AUTS2: variants seen among roughly 807,000 people sequenced by gnomAD.
The protein encoded by AUTS2 is autism susceptibility gene 2 protein.
AUTS2 carries 17 observed loss-of-function variants against 112.4 expected under a neutral mutation model. The ratio of observed to expected loss-of-function variants is 0.15; its 90% confidence interval spans 0.10 to 0.23. The LOEUF is 0.23. AUTS2 is among the 10% of genes least tolerant of loss of function. The pLI is 1.00. For missense variants in AUTS2, 1,510 were observed against 1,701.6 expected (o/e 0.89, Z 1.98); for synonymous variants, 751 against 702.7 (o/e 1.07, Z -1.09).
intron 7 of AUTS2, among the ~76,000 whole-genome samples, chr7:70,764,218 G>A (rs975110968): frequency 6.6e-6 from 1 of 152,136 alleles, no homozygotes; most frequent in Non-Finnish European, 1.5e-5. Context: ...CAAGGAGCCG[G>A]GCCCGGCTTC....
rs1439547715 is a variant in AUTS2 at position 70,647,477 on chromosome 7, G to GA, written c.691-51086dup. ...TTGCTTTGAAACACAATATAATCCAGAAAAAACAGCTATCTTAACTTGGCC... is the reference window on the plus strand; with the variant it reads ...TTGCTTTGAAACACAATATAATCCAGAAAAAAACAGCTATCTTAACTTGGCC... On this transcript the variant is annotated intron_variant, in intron 5 of 18. Coordinates refer to ENST00000342771, the MANE Select transcript of AUTS2 (RefSeq NM_015570.4). 2.0e-5 allele frequency among the ~76,000 whole-genome samples: 3 copies of GA among 152,144 alleles called. 1 individual carries two copies. Among genetic ancestry groups the GA allele is most frequent in the Middle Eastern group, 6.3e-3 (2 of 316 alleles).
chr7:69,743,120 A>G (rs1787338681), intron 1 of AUTS2, among the ~76,000 whole-genome samples: 1 of 152,116 alleles, frequency 6.6e-6, no homozygotes, highest in Non-Finnish European at 1.5e-5. Context: ...ACTTACCTGA[A>G]AATTGTTTGC....
chr7:69,713,185 C>T (rs1425822011), intron 1 of AUTS2, among the ~76,000 whole-genome samples: 1 of 152,062 alleles, frequency 6.6e-6, no homozygotes, highest in African/African-American at 2.4e-5. Flanking sequence ...AAAATTAAAT[C>T]AGGGTATTTA....
Position 69,690,955 on chromosome 7 carries a change from C to T in AUTS2, c.309+90993C>T, listed in dbSNP as rs78489534. On this transcript the variant is annotated intron_variant, in intron 1 of 18. Transcript: ENST00000342771. Reference sequence around the variant, plus strand: ...ATCAGAAGTGGGTAGCTCCCTTCCACAGCAGGTCATCCTGACGAGTTTCCA... The same window carrying T: ...ATCAGAAGTGGGTAGCTCCCTTCCATAGCAGGTCATCCTGACGAGTTTCCA... Among the ~76,000 whole-genome samples the T allele has an allele frequency of 4.3e-3, 648 of 152,306 alleles. 4 individuals are homozygous for T. The highest frequency in any genetic ancestry group is 7.2e-3 in the Non-Finnish European group (488 of 68,030).
At chr7:69,776,356 A>G (rs1788897106) in intron 1 of AUTS2, among the ~76,000 whole-genome samples, 1 of 152,194 alleles carries the variant, frequency 6.6e-6, no homozygotes, top group African/African-American at 2.4e-5. Context: ...GGGAAGGCAT[A>G]GAGGAAAATA....
At chr7:69,609,432 GT>G (rs1443244214) in intron 1 of AUTS2, among the ~76,000 whole-genome samples, 1 of 152,086 alleles carries the variant, frequency 6.6e-6, no homozygotes, top group African/African-American at 2.4e-5. Context: ...TACATTCATC[GT>G]TTTTAAACAC....
At chr7:70,086,656 A>AAC (rs1803621861) in intron 2 of AUTS2, among the ~76,000 whole-genome samples, 1 of 151,810 alleles carries the variant, frequency 6.6e-6, no homozygotes, top group African/African-American at 2.4e-5. Context: ...AAAAAAAAAA[A>AAC]AAAAGTTTTG....
chr7:69,860,578 G>T (rs979095515), intron 1 of AUTS2, among the ~76,000 whole-genome samples: 1 of 152,030 alleles, frequency 6.6e-6, no homozygotes, highest in African/African-American at 2.4e-5. Flanking sequence ...GAGCTGGTCC[G>T]TCTGTCACTG....
At chr7:70,696,158 C>T (rs1047280063) in intron 5 of AUTS2, among the ~76,000 whole-genome samples, 18 of 152,166 alleles carry the variant, frequency 1.2e-4, no homozygotes, top group Admixed American at 1.2e-3. Context: ...TGCCCTAAAA[C>T]CCTAAGTAGA....
At chr7:69,966,976 T>C (rs1466634956) in intron 2 of AUTS2, among the ~76,000 whole-genome samples, 1 of 152,180 alleles carries the variant, frequency 6.6e-6, no homozygotes, top group Non-Finnish European at 1.5e-5. Flanking sequence ...TAAGGGGGAA[T>C]AGTAAGAGAA....
rs372323409 is a variant in AUTS2, at chr7:70,760,154, C to T, written c.743-2716C>T. On this transcript the variant is annotated intron_variant, in intron 6 of 18. Transcript: ENST00000342771. ...CCGAGTAGCTGGGACTACAGGCACCCGCCACCACGCCCGGCTAATTTTTTG... is the reference window on the plus strand; with the variant it reads ...CCGAGTAGCTGGGACTACAGGCACCTGCCACCACGCCCGGCTAATTTTTTG... Among the ~76,000 whole-genome samples, 343 of 152,084 alleles carry T rather than the reference C, an allele frequency of 2.3e-3. 3 individuals carry two copies. Among genetic ancestry groups the T allele is most frequent in the South Asian group, 7.1e-3 (34 of 4,810 alleles).
rs751287276 is a variant in AUTS2 at position 70,764,956 on chromosome 7, A to G, written c.1419A>G (p.Thr473=). The G allele has an allele frequency of 3.1e-6, 5 of 1,611,634 alleles. No homozygotes were observed. Among genetic ancestry groups the G allele is most frequent in the Non-Finnish European group, 4.2e-6 (5 of 1,179,658 alleles). ...PTALPPPPPL[T]SGSLQVAGHP... ...CTCTGCCTCCTCCACCACCACTGACATCAGGAAGTCTGCAGGTGGCCGGAC... is the reference window on the plus strand; with the variant it reads ...CTCTGCCTCCTCCACCACCACTGACGTCAGGAAGTCTGCAGGTGGCCGGAC... Residue 473 remains threonine, a synonymous_variant, in exon 8 of 19, where the codon ACA becomes ACG. Transcript: ENST00000342771.
At chr7:69,917,663 C>T (rs554260618) in intron 2 of AUTS2, among the ~76,000 whole-genome samples, 2 of 152,256 alleles carry the variant, frequency 1.3e-5, no homozygotes, top group East Asian at 3.9e-4. Flanking sequence ...TCCCCTCTCA[C>T]TCTGCCCTCT....
intron 5 of AUTS2, among the ~76,000 whole-genome samples, chr7:70,659,507 A>T (rs560512270): frequency 7.9e-5 from 12 of 152,242 alleles, no homozygotes. Flanking sequence ...GACCCCGGGC[A>T]TGTTAACTGA....
intron 4 of AUTS2, among the ~76,000 whole-genome samples, chr7:70,361,350 T>G (rs1466033766): frequency 6.6e-6 from 1 of 152,038 alleles, no homozygotes; most frequent in Non-Finnish European, 1.5e-5. Context: ...AAAAATCGAT[T>G]CTTGGAAAAT....
intron 1 of AUTS2, among the ~76,000 whole-genome samples, chr7:69,698,222 T>C (rs943120372): frequency 3.9e-5 from 6 of 152,154 alleles, no homozygotes; most frequent in African/African-American, 1.4e-4. Flanking sequence ...ATGCGAAAAA[T>C]TGAGTGACAT....
chr7:69,852,794 G>A (rs765302957), intron 1 of AUTS2, among the ~76,000 whole-genome samples: 1 of 152,032 alleles, frequency 6.6e-6, no homozygotes, highest in Non-Finnish European at 1.5e-5. Context: ...AAAGTTTACC[G>A]TTAGTACTGC....
chr7:69,913,662 G>T (rs1329734399), intron 2 of AUTS2, among the ~76,000 whole-genome samples: 1 of 152,034 alleles, frequency 6.6e-6, no homozygotes, highest in Non-Finnish European at 1.5e-5. Context: ...TTCTCCATAT[G>T]CTAGCCAGAG....
intron 4 of AUTS2, among the ~76,000 whole-genome samples, chr7:70,180,736 T>C (rs1314814973): frequency 6.9e-6 from 1 of 144,010 alleles, no homozygotes; most frequent in Non-Finnish European, 1.5e-5. Flanking sequence ...CCTGTCGTTT[T>C]CCATACTATT....
Sources: gnomAD v4.1 joint callset for allele counts (sites outside exome capture counted in the v4.1 genomes callset) on GRCh38, gnomAD v4.1.1 for gene constraint, MANE v1.5 for transcripts, NCBI Gene and HGNC (gene_info 2026-07-23, HGNC 2026-07-21) for gene names.